Variants in KSR2 observed in about 807,000 individuals in gnomAD.
The protein encoded by KSR2 is kinase suppressor of ras 2.
KSR2 carries 25 observed loss-of-function variants against 107.8 expected under a neutral mutation model. The ratio of observed to expected loss-of-function variants is 0.23; its 90% CI spans 0.17 to 0.32. KSR2 has a LOEUF of 0.32. KSR2 is among the 10% of genes least tolerant of loss of function. KSR2 has a pLI of 1.00. For synonymous variants in KSR2, 480 were observed against 507.0 expected (o/e 0.95, Z 0.71); for missense variants, 887 against 1,268.9 (o/e 0.70, Z 4.57).
At chr12:117,490,848 A>G (rs1472740446) in intron 14 of KSR2, among the ~76,000 whole-genome samples, 4 of 152,226 alleles carry the variant, frequency 2.6e-5, no homozygotes, top group Non-Finnish European at 5.9e-5. Flanking sequence ...ATTGTGTAGC[A>G]CATGATGTTT....
intron 1 of KSR2, among the ~76,000 whole-genome samples, chr12:117,921,663 T>C (rs1413440072): frequency 1.3e-5 from 2 of 152,216 alleles, no homozygotes; most frequent in Non-Finnish European, 2.9e-5. Context: ...ATGTTGATAC[T>C]ACCCCCTCAG....
chr12:117,761,481 C>G lies in KSR2; in HGVS notation c.516G>C (p.Thr172=), dbSNP rs617641. The G allele has an allele frequency of 0.88, 1,412,735 of 1,613,288 alleles. 620,016 individuals are homozygous for G. Among genetic ancestry groups the G allele is most frequent in the African/African-American group, 0.98 (73,316 of 74,976 alleles). Reference sequence around the variant, plus strand: ...GATTGTTCTCCTTCCCCGTCTCTGTCGTGGGCCACTGGATGGTCCAGTCTT... The same window carrying G: ...GATTGTTCTCCTTCCCCGTCTCTGTGGTGGGCCACTGGATGGTCCAGTCTT... The part of the protein sequence containing the change: ...SKQDWTIQWP[T]TETGKENNPV... The change falls in exon 4 of 20, where the codon ACG becomes ACC. Residue 172 remains threonine (T), a synonymous_variant. Coordinates refer to ENST00000339824, the MANE Select transcript of KSR2 (RefSeq NM_173598.6).
intron 4 of KSR2, among the ~76,000 whole-genome samples, chr12:117,691,284 T>A (rs936214041): frequency 6.6e-6 from 1 of 152,178 alleles, no homozygotes; most frequent in South Asian, 2.1e-4. Context: ...CAATGTCAGA[T>A]ACAACTTTTA....
At chr12:117,893,970 C>T (rs1244345271) in intron 1 of KSR2, among the ~76,000 whole-genome samples, 4 of 144,860 alleles carry the variant, frequency 2.8e-5, no homozygotes, top group African/African-American at 7.8e-5. Context: ...AATGCAGTGG[C>T]GCGATCTCGG....
At chr12:117,624,166 T>G (rs1791999927) in intron 5 of KSR2, among the ~76,000 whole-genome samples, 1 of 152,192 alleles carries the variant, frequency 6.6e-6, no homozygotes, top group African/African-American at 2.4e-5. Context: ...TTTCTCCCAT[T>G]TTGTAGGTTG....
intron 4 of KSR2, among the ~76,000 whole-genome samples, chr12:117,705,452 C>A (rs933271458): frequency 6.6e-6 from 1 of 152,212 alleles, no homozygotes; most frequent in Admixed American, 6.5e-5. Context: ...TTTCCTCACC[C>A]CACTAGGCAC....
At chr12:117,579,321 C>A in intron 6 of KSR2, 119 bp from the exon 7 acceptor site, 1 of 743,308 alleles carries the variant, frequency 1.3e-6, no homozygotes, top group African/African-American at 1.7e-5. Flanking sequence ...CTGTTTCTTT[C>A]GAGCTGTGTG....
intron 5 of KSR2, among the ~76,000 whole-genome samples, chr12:117,609,084 T>A (rs1444408889): frequency 6.6e-6 from 1 of 152,066 alleles, no homozygotes; most frequent in African/African-American, 2.4e-5. Context: ...GACAGACACA[T>A]CCAGGCTTGG....
chr12:117,557,593 G>A (rs1166620307), intron 8 of KSR2, among the ~76,000 whole-genome samples: 2 of 152,200 alleles, frequency 1.3e-5, no homozygotes, highest in African/African-American at 4.8e-5. Context: ...ACGATGTGCA[G>A]TAGAACTTTC....
intron 9 of KSR2, among the ~76,000 whole-genome samples, 176 bp downstream of exon 9, chr12:117,554,993 T>C (rs528044493): frequency 4.6e-5 from 7 of 152,246 alleles, no homozygotes; most frequent in Middle Eastern, 3.4e-3. Flanking sequence ...CACAAATCTC[T>C]CCACTGATCT....
chr12:117,518,319 C>T (rs926390133), intron 14 of KSR2, among the ~76,000 whole-genome samples: 1 of 152,158 alleles, frequency 6.6e-6, no homozygotes, highest in Non-Finnish European at 1.5e-5. Flanking sequence ...ACAGTCTGAG[C>T]CCCTCAATTA....
intron 5 of KSR2, among the ~76,000 whole-genome samples, chr12:117,643,404 G>A (rs1319698105): frequency 1.3e-5 from 2 of 152,140 alleles, no homozygotes; most frequent in Admixed American, 6.5e-5. Context: ...CCAAGATTGT[G>A]CCACTGCACT....
rs755472141 is a variant in KSR2, at chr12:117,589,898, C to T, written c.1172-7539G>A. Among the ~76,000 whole-genome samples the T allele has an allele frequency of 4.6e-5, 7 of 152,198 alleles. No homozygotes were observed. The East Asian group carries it at 1.2e-3, about 25-fold the overall frequency. The stretch of plus-strand genomic sequence containing the variant: ...AACTCACCTCCCAAGATCCAAACAT[C>T]ATCATCTGGGGCCCTTGATGGCTAT... On this transcript the variant is annotated intron_variant, in intron 5 of 19. Coordinates refer to ENST00000339824, the MANE Select transcript of KSR2 (RefSeq NM_173598.6).
At chr12:117,911,542 A>T (rs2137429185) in intron 1 of KSR2, among the ~76,000 whole-genome samples, 1 of 152,324 alleles carries the variant, frequency 6.6e-6, no homozygotes, top group African/African-American at 2.4e-5. Context: ...TCACTGCAGC[A>T]ATAGCTGACT....
At chr12:117,847,170 C>T (rs1271883917) in intron 3 of KSR2, among the ~76,000 whole-genome samples, 1 of 152,194 alleles carries the variant, frequency 6.6e-6, no homozygotes, top group East Asian at 1.9e-4. Flanking sequence ...AGGAGCAGCT[C>T]TTCCTCTGCC....
chr12:117,670,551 G>T (rs1418765412), intron 4 of KSR2, among the ~76,000 whole-genome samples: 12 of 152,302 alleles, frequency 7.9e-5, no homozygotes, highest in Admixed American at 7.8e-4. Context: ...ACTATCCTGA[G>T]AAGTTCGATT....
At chr12:117,792,748 T>C (rs964235687) in intron 3 of KSR2, among the ~76,000 whole-genome samples, 1 of 152,230 alleles carries the variant, frequency 6.6e-6, no homozygotes, top group Non-Finnish European at 1.5e-5. Flanking sequence ...ATGTGATTGA[T>C]GCACCCAATC....
intron 1 of KSR2, among the ~76,000 whole-genome samples, chr12:117,939,944 AACACACACACAC>A (rs10561468): frequency 2.7e-4 from 38 of 140,170 alleles, no homozygotes; most frequent in East Asian, 2.3e-3. Flanking sequence ...CCATCTTAAA[AACACACACACAC>A]ACACACACAC....
At position 117,461,563 on chromosome 12, in the gene KSR2, T is replaced by A. The variant is rs1381718342; in HGVS notation, c.*5636A>T. 6.5e-6 allele frequency: 1 copy of A among 153,318 alleles called. No homozygotes were observed. Among genetic ancestry groups the A allele is most frequent in the African/African-American group, 2.4e-5 (1 of 41,480 alleles). The allele number at this position is 153,318 out of a possible 1,614,324, so 9.5% of individuals were successfully genotyped here. A position where few individuals can be genotyped will look rare whatever the true frequency, so the allele number is the denominator to read the frequency against. Reference sequence around the variant, plus strand: ...ACTACTGGTTTCAAAACTAAACTGGTAACAGAATGGGTATGGATTGCAGGG... The same window carrying A: ...ACTACTGGTTTCAAAACTAAACTGGAAACAGAATGGGTATGGATTGCAGGG... On this transcript the variant is annotated 3_prime_UTR_variant, in exon 20 of 20. Coordinates refer to ENST00000339824, the MANE Select transcript of KSR2 (RefSeq NM_173598.6).
Sources: allele counts gnomAD v4.1 joint callset (sites outside exome capture counted in the v4.1 genomes callset), GRCh38; gene constraint gnomAD v4.1.1; transcripts MANE v1.5; gene names NCBI Gene and HGNC (gene_info 2026-07-23, HGNC 2026-07-21).